IFT172: variants seen among roughly 807,000 people sequenced by gnomAD.
IFT172 encodes intraflagellar transport protein 172 homolog.
IFT172 carries 164 observed loss-of-function variants against 248.9 expected under a neutral mutation model. The ratio of observed to expected loss-of-function variants is 0.66; its 90% CI spans 0.58 to 0.75. The LOEUF (loss-of-function observed/expected upper bound fraction) is 0.75, where lower values mean the gene tolerates loss of function less well. Ranked by LOEUF, IFT172 falls within the 30% of genes least tolerant of loss-of-function variation. IFT172 has a pLI of 0.00. For missense variants in IFT172, 1,950 were observed against 2,192.4 expected, an observed-to-expected ratio of 0.89 and a Z score of 2.21; for synonymous variants, 729 against 791.6, an observed-to-expected ratio of 0.92 and a Z score of 1.33.
At chr2:27,475,998 G>A (rs1413993789) in intron 14 of IFT172, among the ~76,000 whole-genome samples, 1 of 151,738 alleles carries the variant, frequency 6.6e-6, no homozygotes, top group South Asian at 2.1e-4. Flanking sequence ...TTTTATGCTT[G>A]AAACATTTCA....
At chr2:27,479,973 T>C in intron 9 of IFT172, 53 bp downstream of exon 9, 1 of 1,585,226 alleles carries the variant, frequency 6.3e-7, no homozygotes, top group East Asian at 2.2e-5. Context: ...GGCAGGATTT[T>C]TTTCTAGTTT....
rs1666622337 is a variant in IFT172, at chr2:27,461,077, T to A, written c.2459A>T (p.Glu820Val). Residue 820 changes from glutamate to valine, a missense_variant, in exon 23 of 48, where the codon GAG (glutamate) becomes GTG (valine). By Grantham distance (121) the Glu-to-Val change is moderately radical (BLOSUM62 -2). Transcript: ENST00000260570. Reference protein sequence around the residue: ...ELYERAGDLFEKIHNPQKALE... With the variant: ...ELYERAGDLFVKIHNPQKALE... ...GGCCTTCTGTGGATTGTGAATCTTC[T>A]CAAAGAGATCACCTGCCTGTTAACA... 1.2e-6 allele frequency: 2 copies of A among 1,614,114 alleles called. No individual in the cohort carries two copies. The highest frequency in any genetic ancestry group is 1.7e-6 in the Non-Finnish European group (2 of 1,180,020).
At chr2:27,446,051 G>A in intron 43 of IFT172, 63 bp from the exon 44 acceptor site, 1 of 1,589,122 alleles carries the variant, frequency 6.3e-7, no homozygotes, top group Non-Finnish European at 8.6e-7. Context: ...ACTTCTCTGG[G>A]ATCCAGATGC....
chr2:27,484,065 A>C, intron 4 of IFT172, 128 bp from the exon 5 acceptor site: 1 of 1,276,096 alleles, frequency 7.8e-7, no homozygotes, highest in Admixed American at 1.8e-5. Context: ...CAGGGCTCTA[A>C]GGAAGACAGC....
In IFT172 at chr2:27,485,507, T is replaced by C; in HGVS notation, c.40-4A>G. 1.2e-6 allele frequency: 2 copies of C among 1,613,946 alleles called. No individual in the cohort carries two copies. The highest frequency in any genetic ancestry group is 8.5e-7 in the Non-Finnish European group (1 of 1,179,866). ...AGGTCACCTTTGCAGCTCCATCCTGTAGAGGCAAAGGGGTAAAAACAAACC... is the reference window on the plus strand; with the variant it reads ...AGGTCACCTTTGCAGCTCCATCCTGCAGAGGCAAAGGGGTAAAAACAAACC... On this transcript the variant is annotated splice_region_variant and splice_polypyrimidine_tract_variant and intron_variant, in intron 1 of 47. Coordinates refer to ENST00000260570, the MANE Select transcript of IFT172 (RefSeq NM_015662.3).
chr2:27,459,062 A>C (rs1666419484), intron 25 of IFT172, 194 bp from the exon 26 acceptor site: 1 of 649,840 alleles, frequency 1.5e-6, no homozygotes, highest in Non-Finnish European at 2.5e-6. Flanking sequence ...CAAACAGTGG[A>C]ATCCAAAAGG....
chr2:27,449,222 A>C, intron 39 of IFT172, 72 bp downstream of exon 39: 5 of 1,565,246 alleles, frequency 3.2e-6, no homozygotes, highest in Non-Finnish European at 4.4e-6. Context: ...GGTAGAAGAG[A>C]TGCATCTTTG....
chr2:27,459,686 T>A (rs1666480632), intron 24 of IFT172, 23 bp downstream of exon 24: 2 of 1,611,134 alleles, frequency 1.2e-6, no homozygotes. Context: ...CTAAATCTCC[T>A]TTACATTCCC....
intron 43 of IFT172, 123 bp downstream of exon 43, chr2:27,446,127 AGACATAGGAG>A: frequency 7.4e-7 from 1 of 1,343,950 alleles, no homozygotes. Flanking sequence ...AAATCCAGGA[AGACATAGGAG>A]GACTACATCC....
chr2:27,458,013 G>C (rs771259552), intron 27 of IFT172, 37 bp from the exon 28 acceptor site: 2 of 1,613,910 alleles, frequency 1.2e-6, no homozygotes, highest in Non-Finnish European at 1.7e-6. Flanking sequence ...TCCTAGACCC[G>C]ACCCCTGCTA....
rs762519268 is a variant in IFT172, at chr2:27,461,344, T to C, written c.2367A>G (p.Arg789=). 1 of 1,614,162 alleles carries C rather than the reference T, an allele frequency of 6.2e-7. No homozygotes were observed. The highest frequency in any genetic ancestry group is 1.6e-4 in the Middle Eastern group (1 of 6,062). The change falls in exon 22 of 48, where the codon CGA becomes CGG. Residue 789 remains arginine (R), a synonymous_variant. Coordinates refer to ENST00000260570, the MANE Select transcript of IFT172 (RefSeq NM_015662.3). ...GCTCTGTGTTGGCTAGCAGTTCCTCTCGGGTCAGCACCAGCCGAGCAGCTT... is the reference window on the plus strand; with the variant it reads ...GCTCTGTGTTGGCTAGCAGTTCCTCCCGGGTCAGCACCAGCCGAGCAGCTT... The part of the protein sequence containing the change: ...PAKAARLVLT[R]EELLANTELV...
intron 12 of IFT172, 101 bp from the exon 13 acceptor site, chr2:27,477,421 G>T: frequency 8.0e-7 from 1 of 1,253,890 alleles, no homozygotes. Flanking sequence ...TTTTCTCCTT[G>T]TTCTCTTACC....
At chr2:27,457,999 G>C in intron 27 of IFT172, 23 bp from the exon 28 acceptor site, 4 of 1,614,078 alleles carry the variant, frequency 2.5e-6, no homozygotes, top group Non-Finnish European at 8.5e-7. Context: ...ATACATCTGG[G>C]GCCTCCTAGA....
At chr2:27,462,843 G>A (rs920990476) in intron 19 of IFT172, 50 bp from the exon 20 acceptor site, 4 of 1,554,860 alleles carry the variant, frequency 2.6e-6, no homozygotes, top group African/African-American at 1.4e-5. Flanking sequence ...CTGCCATTCT[G>A]TCTGTGAGGG....
intron 8 of IFT172, 53 bp downstream of exon 8, chr2:27,480,993 G>C: frequency 7.0e-7 from 1 of 1,426,678 alleles, no homozygotes; most frequent in Non-Finnish European, 9.9e-7. Context: ...GGCTAAAGCA[G>C]AGAGTGTTCG....
rs1279737875 is a variant in IFT172, at chr2:27,444,530, A to G, written c.5161-9T>C. 1 of 1,609,430 alleles carries G rather than the reference A, an allele frequency of 6.2e-7. No individual in the cohort carries two copies. Among genetic ancestry groups the G allele is most frequent in the East Asian group, 2.2e-5 (1 of 44,876 alleles). ...ACTGGGCTGTGGGAGGTCTGTGAGC[A>G]AATGGAAGAACATGAGAGGAACTTG... On this transcript the variant is annotated splice_polypyrimidine_tract_variant and intron_variant, in intron 47 of 47. Coordinates refer to ENST00000260570, the MANE Select transcript of IFT172 (RefSeq NM_015662.3).
chr2:27,485,537 T>A lies in IFT172; in HGVS notation c.40-34A>T, dbSNP rs759893271. 3.1e-6 allele frequency: 5 copies of A among 1,612,424 alleles called. No homozygotes were observed. The Admixed American group carries it at 6.7e-5, about 22-fold the overall frequency. ...GCAAAGGGGTAAAAACAAACCCATG[T>A]GCTGGTCTAGAATGCCAAAAGCATT... On this transcript the variant is annotated intron_variant, in intron 1 of 47. Transcript: ENST00000260570.
chr2:27,483,521 T>G lies in IFT172; in HGVS notation c.482+59A>C, dbSNP rs1005164769. 11 of 1,572,450 alleles carry G rather than the reference T, an allele frequency of 7.0e-6. No individual in the cohort carries two copies. In the Admixed American group the frequency reaches 8.4e-5, roughly 12 times the overall value. On this transcript the variant is annotated intron_variant, in intron 6 of 47. Coordinates refer to ENST00000260570, the MANE Select transcript of IFT172 (RefSeq NM_015662.3). ...ATACTATGGTCTTGCAGTCCAGACTTCCCCACAGCATTTTCCTAACACTTC... is the reference window on the plus strand; with the variant it reads ...ATACTATGGTCTTGCAGTCCAGACTGCCCCACAGCATTTTCCTAACACTTC...
rs1444003107 is a variant in IFT172 at position 27,445,805 on chromosome 2, A to G, written c.4854T>C (p.Ser1618=). 1.9e-6 allele frequency: 3 copies of G among 1,614,192 alleles called. No individual in the cohort carries two copies. The South Asian group carries it at 3.3e-5, about 18-fold the overall frequency. Residue 1618 remains serine, a synonymous_variant, in exon 45 of 48, where the codon TCT becomes TCC. Coordinates refer to ENST00000260570, the MANE Select transcript of IFT172 (RefSeq NM_015662.3). This position sits in a 1 kb window ranked among gnomAD's most constrained non-coding sequence, Gnocchi z 4.4. ...AGGGAATGTCTGTATCCTGAAAATC[A>G]GAGTGGTCAAGGCCATCTAGAGTCC... The part of the protein sequence containing the change: ...EEGTLDGLDH[S]DFQDTDIPFE...
Sources: allele counts gnomAD v4.1 joint callset (sites outside exome capture counted in the v4.1 genomes callset), GRCh38; gene constraint gnomAD v4.1.1; non-coding constraint Gnocchi (gnomAD v3.1); transcripts MANE v1.5; gene names NCBI Gene and HGNC (gene_info 2026-07-23, HGNC 2026-07-21).